COL5A1: variants seen among roughly 807,000 people sequenced by gnomAD.
The protein encoded by COL5A1 is collagen alpha-1(V) chain.
COL5A1 carries 16 observed loss-of-function variants against 263.7 expected under a neutral mutation model. That is an observed-to-expected ratio of 0.06 (90% CI 0.04 to 0.09). COL5A1 has a LOEUF of 0.09. COL5A1 is among the 10% of genes least tolerant of loss of function. The pLI, the probability that COL5A1 is intolerant of heterozygous loss-of-function variation, is 1.00. For synonymous variants in COL5A1, 1,012 were observed against 1,004.5 expected, an observed-to-expected ratio of 1.01 and a Z score of -0.14; for missense variants, 2,036 against 2,540.5, an observed-to-expected ratio of 0.80 and a Z score of 4.27.
At chr9:134,793,634 G>A (rs1380327996) in intron 32 of COL5A1, among the ~76,000 whole-genome samples, 1 of 152,122 alleles carries the variant, frequency 6.6e-6, no homozygotes. Context: ...GTTTTAGGGT[G>A]GAGGGTTTTC....
intron 4 of COL5A1, among the ~76,000 whole-genome samples, chr9:134,724,976 G>A (rs1834595192): frequency 6.6e-6 from 1 of 152,166 alleles, no homozygotes; most frequent in Non-Finnish European, 1.5e-5. Context: ...CCTGCAGCCC[G>A]CTGGCTACTG....
At position 134,683,242 on chromosome 9, in the gene COL5A1, G is replaced by A. The variant is rs553788668; in HGVS notation, c.110-7670G>A. Among the ~76,000 whole-genome samples the A allele has an allele frequency of 2.1e-3, 326 of 152,310 alleles. 1 individual carries two copies. The highest frequency in any genetic ancestry group is 3.9e-3 in the Non-Finnish European group (265 of 68,026). On this transcript the variant is annotated intron_variant, in intron 1 of 65. Coordinates refer to ENST00000371817, the MANE Select transcript of COL5A1 (RefSeq NM_000093.5). ...AGGTCCCCTGGCTGCAGGAGTCCTC[G>A]AACACCGGCAGAGAGGAAACCTGTG... is the stretch of plus-strand genomic sequence containing the variant.
chr9:134,743,739 C>T (rs1835373425), intron 11 of COL5A1, among the ~76,000 whole-genome samples: 1 of 152,234 alleles, frequency 6.6e-6, no homozygotes, highest in Non-Finnish European at 1.5e-5. Context: ...ATCAGCCCCT[C>T]CTGTCACTCA....
chr9:134,842,250 G>A lies in COL5A1; in HGVS notation c.5464G>A (p.Glu1822Lys). The A allele has an allele frequency of 3.7e-6, 6 of 1,614,228 alleles. No homozygotes were observed. Among genetic ancestry groups the A allele is most frequent in the Non-Finnish European group, 3.4e-6 (4 of 1,180,042 alleles). ...GGACATCATGTTCAATGACTTCGGT[G>A]AAGCGTCACAGAAATTTGGATTTGA... ...IVDIMFNDFGEASQKFGFEVG... is the reference protein window; with the variant it reads ...IVDIMFNDFGKASQKFGFEVG... The change falls in exon 66 of 66, where the codon GAA becomes AAA. Residue 1822 changes from glutamate to lysine, a missense_variant. This residue lies in a region of COL5A1 where 358 missense variants were observed against 384.6 expected (regional missense o/e 0.93). Transcript: ENST00000371817. This position sits in a 1 kb window ranked among gnomAD's most constrained non-coding sequence, Gnocchi z 5.8.
chr9:134,734,370 G>A (rs758311791), intron 9 of COL5A1, among the ~76,000 whole-genome samples: 3 of 152,194 alleles, frequency 2.0e-5, no homozygotes, highest in Non-Finnish European at 2.9e-5. Flanking sequence ...TCCCTCCCCC[G>A]GGCCCCAGCC....
At position 134,842,458 on chromosome 9, in the gene COL5A1, A is replaced by AC; in HGVS notation, c.*159dup. 2.2e-6 allele frequency: 2 copies of AC among 901,642 alleles called. No homozygotes were observed. The highest frequency in any genetic ancestry group is 2.1e-5 in the Admixed American group (1 of 47,776). 55.9% of individuals were successfully genotyped at this position (901,642 alleles called of 1,614,324 possible). Reference sequence around the variant, plus strand: ...ACGCCTCGGCACCACGGGGTGTGGGACCCCAGCCCGGAGAGAACAGAGGGA... The same window carrying AC: ...ACGCCTCGGCACCACGGGGTGTGGGACCCCCAGCCCGGAGAGAACAGAGGGA... On this transcript the variant is annotated 3_prime_UTR_variant, in exon 66 of 66. Transcript: ENST00000371817. This position sits in a 1 kb window ranked among gnomAD's most constrained non-coding sequence, Gnocchi z 5.8.
chr9:134,752,096 T>A (rs1835801414), intron 13 of COL5A1, among the ~76,000 whole-genome samples: 1 of 152,176 alleles, frequency 6.6e-6, no homozygotes, highest in African/African-American at 2.4e-5. Context: ...GGGGGCCACA[T>A]GCAGAGGGGG....
In COL5A1 at chr9:134,677,117, TC is replaced by T. The variant is rs1458919280; in HGVS notation, c.110-13791del. On this transcript the variant is annotated intron_variant, in intron 1 of 65. Transcript: ENST00000371817. The surrounding 1 kb of genome is among the most constrained non-coding windows in gnomAD (Gnocchi z 4.4). ...AGGGACACCAGGAAGCGGCGGTCCATCCCCTCGTGATTGGTGGCAGGGCCTC... is the reference window on the plus strand; with the variant it reads ...AGGGACACCAGGAAGCGGCGGTCCATCCCTCGTGATTGGTGGCAGGGCCTC... Among the ~76,000 whole-genome samples, 1 of 152,164 alleles carries T rather than the reference TC, an allele frequency of 6.6e-6. No homozygotes were observed. The highest frequency in any genetic ancestry group is 1.9e-4 in the East Asian group (1 of 5,196).
At chr9:134,701,433 C>A in intron 4 of COL5A1, 100 bp downstream of exon 4, 2 of 1,202,200 alleles carry the variant, frequency 1.7e-6, no homozygotes, top group Middle Eastern at 2.6e-4. Context: ...CCGGGACCGG[C>A]TGGCGGTCCA....
At chr9:134,702,461 G>C (rs1354785873) in intron 4 of COL5A1, among the ~76,000 whole-genome samples, 18 of 151,886 alleles carry the variant, frequency 1.2e-4, no homozygotes. Context: ...GCTGAGGTGG[G>C]GTCCCCAGGG....
In COL5A1 at chr9:134,690,028, C is replaced by T. The variant is rs377688009; in HGVS notation, c.110-884C>T. Among the ~76,000 whole-genome samples, 9 of 152,218 alleles carry T rather than the reference C, an allele frequency of 5.9e-5. 1 individual carries two copies. Among genetic ancestry groups the T allele is most frequent in the Admixed American group, 2.6e-4 (4 of 15,288 alleles). On this transcript the variant is annotated intron_variant, in intron 1 of 65. Coordinates refer to ENST00000371817, the MANE Select transcript of COL5A1 (RefSeq NM_000093.5). ...GTCCTCGTGGTGTGGGGGAAGGAGG[C>T]TCTGGCAGATGGGGCCGTCTTTTGT...
chr9:134,677,087 G>A lies in COL5A1; in HGVS notation c.110-13825G>A, dbSNP rs902708141. Among the ~76,000 whole-genome samples, 22 of 152,330 alleles carry A rather than the reference G, an allele frequency of 1.4e-4. No homozygotes were observed. The highest frequency in any genetic ancestry group is 4.8e-4 in the African/African-American group (20 of 41,574). On this transcript the variant is annotated intron_variant, in intron 1 of 65. Transcript: ENST00000371817. The surrounding 1 kb of genome is among the most constrained non-coding windows in gnomAD (Gnocchi z 4.4). ...TGTGGTTTGCTGGGGAGACACAGAA[G>A]AGGCAGGGACACCAGGAAGCGGCGG...
At chr9:134,723,690 T>A (rs1293093694) in intron 4 of COL5A1, among the ~76,000 whole-genome samples, 2 of 152,102 alleles carry the variant, frequency 1.3e-5, no homozygotes, top group Non-Finnish European at 2.9e-5. Flanking sequence ...GCTGCACCCT[T>A]CTGGATGGGG....
chr9:134,771,034 TG>T (rs912241349), intron 25 of COL5A1, among the ~76,000 whole-genome samples: 42 of 152,370 alleles, frequency 2.8e-4, no homozygotes, highest in African/African-American at 8.9e-4. Flanking sequence ...TGGTGCTCCC[TG>T]GGTGGGCGCA....
rs1836631475 is a variant in COL5A1, at chr9:134,765,585, T to C, written c.2035-96T>C. ...GGAGGCCTGAGTCACCAGCTGGGGT[T>C]CTGGGTGGAGTCAGGGCCAAGTGGG... is the stretch of plus-strand genomic sequence containing the variant. On this transcript the variant is annotated intron_variant, in intron 20 of 65. Coordinates refer to ENST00000371817, the MANE Select transcript of COL5A1 (RefSeq NM_000093.5). This position sits in a 1 kb window ranked among gnomAD's most constrained non-coding sequence, Gnocchi z 5.1. The C allele has an allele frequency of 4.5e-6, 5 of 1,116,184 alleles. No individual in the cohort carries two copies. The highest frequency in any genetic ancestry group is 2.0e-4 in the Middle Eastern group (1 of 5,080). 69.1% of individuals were successfully genotyped at this position (1,116,184 alleles called of 1,614,324 possible).
At chr9:134,798,592 G>C (rs1056272032) in intron 37 of COL5A1, 131 bp downstream of exon 37, 5 of 259,806 alleles carry the variant, frequency 1.9e-5, no homozygotes, top group Admixed American at 1.2e-4. Context: ...CCTCAGAAAG[G>C]CTCCCAAGGG....
intron 2 of COL5A1, among the ~76,000 whole-genome samples, chr9:134,698,364 G>C (rs761372348): frequency 6.6e-6 from 1 of 152,278 alleles, no homozygotes; most frequent in East Asian, 1.9e-4. Flanking sequence ...CAGTGCCTTA[G>C]TGAGAGATTC....
chr9:134,657,240 T>G (rs202237843), intron 1 of COL5A1, among the ~76,000 whole-genome samples: 13 of 2,938 alleles, frequency 4.4e-3, no homozygotes, highest in Admixed American at 7.8e-3. Flanking sequence ...AATATAGGGG[T>G]CGGGGCAGGG....
chr9:134,801,856 G>A (rs921492200), intron 37 of COL5A1, 98 bp from the exon 38 acceptor site: 1 of 998,748 alleles, frequency 1.0e-6, no homozygotes, highest in Non-Finnish European at 1.6e-6. Flanking sequence ...ACTCTGGGGG[G>A]AAGGGAGGTG....
Sources: allele counts gnomAD v4.1 joint callset (sites outside exome capture counted in the v4.1 genomes callset), GRCh38; gene constraint gnomAD v4.1.1; regional missense constraint gnomAD v4.1.1; non-coding constraint Gnocchi (gnomAD v3.1); transcripts MANE v1.5; gene names NCBI Gene and HGNC (gene_info 2026-07-23, HGNC 2026-07-21).